IKZF1: variants seen among roughly 807,000 people sequenced by gnomAD.
IKZF1 encodes the protein DNA-binding protein Ikaros.
Under a neutral mutation model 51.7 loss-of-function variants are expected in IKZF1, and 10 were observed. The observed-to-expected ratio is 0.19, with a 90% CI of 0.12 to 0.33. The LOEUF (loss-of-function observed/expected upper bound fraction) is 0.33, where lower values mean the gene tolerates loss of function less well. Among genes scored for constraint, IKZF1 ranks in the 10% least tolerant of loss-of-function variants. The pLI is 1.00. For synonymous variants in IKZF1, 280 were observed against 282.3 expected, an observed-to-expected ratio of 0.99 and a Z score of 0.08; for missense variants, 484 against 707.5, an observed-to-expected ratio of 0.68 and a Z score of 3.58.
At chr7:50,347,349 A>G (rs1237592169) in intron 3 of IKZF1, among the ~76,000 whole-genome samples, 1 of 152,212 alleles carries the variant, frequency 6.6e-6, no homozygotes, top group African/African-American at 2.4e-5. Context: ...GATAAGGATC[A>G]GATCCTAGAG....
At chr7:50,398,662 A>G (rs1211406245) in intron 7 of IKZF1, among the ~76,000 whole-genome samples, 10 of 152,190 alleles carry the variant, frequency 6.6e-5, no homozygotes, top group Non-Finnish European at 1.2e-4. Context: ...GATGGGGACC[A>G]TTCTCACTTA....
intron 2 of IKZF1, among the ~76,000 whole-genome samples, chr7:50,325,566 G>A (rs1415674028): frequency 6.6e-6 from 1 of 152,192 alleles, no homozygotes; most frequent in Non-Finnish European, 1.5e-5. Flanking sequence ...GAGGTCAGGA[G>A]ATCGAGACCA....
At chr7:50,326,319 C>T (rs1430494896) in intron 2 of IKZF1, among the ~76,000 whole-genome samples, 1 of 152,178 alleles carries the variant, frequency 6.6e-6, no homozygotes, top group South Asian at 2.1e-4. Flanking sequence ...ATCATTTTGC[C>T]TGTTGCCAGC....
At chr7:50,364,248 G>A (rs1806140977) in intron 3 of IKZF1, among the ~76,000 whole-genome samples, 1 of 152,152 alleles carries the variant, frequency 6.6e-6, no homozygotes, top group South Asian at 2.1e-4. Flanking sequence ...AATGCAAACT[G>A]AAAAGTGTGG....
intron 2 of IKZF1, among the ~76,000 whole-genome samples, chr7:50,325,254 C>T (rs1157447405): frequency 2.2e-4 from 32 of 146,942 alleles, no homozygotes; most frequent in Admixed American, 1.0e-3. Flanking sequence ...CCCCCACACC[C>T]ACCCCCCAAC....
upstream of IKZF1, chr7:50,304,258 G>A (rs568396627): frequency 6.7e-6 from 1 of 150,306 alleles, no homozygotes; most frequent in East Asian, 1.9e-4. Context: ...ACTCGGCGAC[G>A]GGGCGGGGAC....
At chr7:50,356,667 ATTC>A (rs999778682) in intron 3 of IKZF1, among the ~76,000 whole-genome samples, 3 of 151,936 alleles carry the variant, frequency 2.0e-5, no homozygotes, top group Admixed American at 2.0e-4. Context: ...CTTCTCCATA[ATTC>A]TTTGTATTTC....
intron 2 of IKZF1, 41 bp from the exon 3 acceptor site, chr7:50,327,597 A>G: frequency 6.4e-7 from 1 of 1,560,546 alleles, no homozygotes. Flanking sequence ...AGGCACCTTG[A>G]CCATGACCGC....
At chr7:50,332,012 C>T (rs947221323) in intron 3 of IKZF1, among the ~76,000 whole-genome samples, 6 of 152,180 alleles carry the variant, frequency 3.9e-5, no homozygotes, top group Non-Finnish European at 5.9e-5. Flanking sequence ...AGAGAACTCT[C>T]ACCTCTCTGA....
chr7:50,334,128 G>A (rs1169928067), intron 3 of IKZF1, among the ~76,000 whole-genome samples: 1 of 152,164 alleles, frequency 6.6e-6, no homozygotes, highest in Non-Finnish European at 1.5e-5. Flanking sequence ...TTGTCAAATA[G>A]TTCAAAATGT....
intron 7 of IKZF1, among the ~76,000 whole-genome samples, chr7:50,395,884 G>T (rs1168619740): frequency 1.3e-5 from 2 of 152,146 alleles, no homozygotes. Flanking sequence ...TCTCCCTTGA[G>T]AACTTTTTAG....
At chr7:50,368,505 G>T in intron 3 of IKZF1, 1 of 591,450 alleles carries the variant, frequency 1.7e-6, no homozygotes, top group Non-Finnish European at 3.0e-6. Flanking sequence ...TGGTTCTGGA[G>T]TATTAATTTC....
chr7:50,319,218 A>G (rs987601275), intron 2 of IKZF1, 117 bp downstream of exon 2: 2 of 730,954 alleles, frequency 2.7e-6, no homozygotes, highest in African/African-American at 1.8e-5. Context: ...TGCAAAAGAA[A>G]AGACCATGAT....
rs995613896 is a variant in IKZF1, at chr7:50,337,806, G to T, written c.160+10049G>T. ...TGGGCACGATGATATTTGATGTAGGGGGCACTTCTTTGGGTGAGACTGTCC... is the reference window on the plus strand; with the variant it reads ...TGGGCACGATGATATTTGATGTAGGTGGCACTTCTTTGGGTGAGACTGTCC... On this transcript the variant is annotated intron_variant, in intron 3 of 7. Transcript: ENST00000331340. 7.9e-5 allele frequency among the ~76,000 whole-genome samples: 12 copies of T among 152,062 alleles called. 1 individual carries two copies. The highest frequency in any genetic ancestry group is 1.8e-4 in the Non-Finnish European group (12 of 68,006).
intron 3 of IKZF1, among the ~76,000 whole-genome samples, chr7:50,339,952 A>G (rs1798690262): frequency 6.6e-6 from 1 of 152,290 alleles, no homozygotes; most frequent in South Asian, 2.1e-4. Flanking sequence ...ATATTCTTTA[A>G]TTCCTGTGAT....
chr7:50,364,415 A>G (rs1469685544), intron 3 of IKZF1, among the ~76,000 whole-genome samples: 1 of 152,252 alleles, frequency 6.6e-6, no homozygotes, highest in East Asian at 1.9e-4. Flanking sequence ...TCTTGATAAG[A>G]ATATATTTTG....
chr7:50,336,979 A>C (rs1444709493), intron 3 of IKZF1, among the ~76,000 whole-genome samples: 1 of 152,110 alleles, frequency 6.6e-6, no homozygotes. Flanking sequence ...ATTCGGGTAA[A>C]ATTTCTAGAA....
chr7:50,398,565 C>T (rs1331055049), intron 7 of IKZF1, among the ~76,000 whole-genome samples: 1 of 152,222 alleles, frequency 6.6e-6, no homozygotes, highest in Non-Finnish European at 1.5e-5. Flanking sequence ...CCCTTGTCTT[C>T]GTGGATTTCT....
upstream of IKZF1, among the ~76,000 whole-genome samples, chr7:50,303,808 T>TGCAGGGTGGCGG (rs1166007824): frequency 1.3e-5 from 2 of 150,712 alleles, no homozygotes; most frequent in African/African-American, 4.9e-5. This position sits in a 1 kb window ranked among gnomAD's most constrained non-coding sequence, Gnocchi z 4.7. Flanking sequence ...CGGCCCCGGG[T>TGCAGGGTGGCGG]GCAGGGTGGC....
Sources: gnomAD v4.1 joint callset for allele counts (sites outside exome capture counted in the v4.1 genomes callset) on GRCh38, gnomAD v4.1.1 for gene constraint, Gnocchi (gnomAD v3.1) non-coding constraint, MANE v1.5 for transcripts, NCBI Gene and HGNC (gene_info 2026-07-23, HGNC 2026-07-21) for gene names.